Variants in LPP observed in about 807,000 individuals in gnomAD.
LPP encodes the protein LIM domain containing preferred translocation partner in lipoma, also known as lipoma-preferred partner.
LPP carries 38 observed loss-of-function variants against 60.4 expected under a neutral mutation model. The observed-to-expected ratio is 0.63, with a 90% CI of 0.49 to 0.83. LPP has a LOEUF of 0.83. Among genes scored for constraint, LPP ranks in the 40% least tolerant of loss-of-function variants. The probability of loss-of-function intolerance (pLI) is 0.00; values close to 1 mark genes in which losing one functional copy is unlikely to be tolerated. For synonymous variants in LPP, 328 were observed against 290.8 expected, an observed-to-expected ratio of 1.13 and a Z score of -1.30; for missense variants, 902 against 783.6, an observed-to-expected ratio of 1.15 and a Z score of -1.80.
intron 5 of LPP, among the ~76,000 whole-genome samples, chr3:188,506,838 C>T (rs1038215159): frequency 6.6e-6 from 1 of 152,056 alleles, no homozygotes; most frequent in Non-Finnish European, 1.5e-5. Context: ...TGCTCTGTTG[C>T]CCAGGCTGGA....
intron 1 of LPP, among the ~76,000 whole-genome samples, chr3:188,188,770 G>T (rs1053371970): frequency 4.6e-5 from 7 of 152,252 alleles, no homozygotes; most frequent in Admixed American, 2.6e-4. Flanking sequence ...CTGCATCATT[G>T]TTGGTCACCC....
At chr3:188,618,771 C>G (rs1182846015) in intron 7 of LPP, among the ~76,000 whole-genome samples, 2 of 152,268 alleles carry the variant, frequency 1.3e-5, no homozygotes, top group East Asian at 1.9e-4. Flanking sequence ...CCTTGTTATT[C>G]AGTCTTTATA....
intron 4 of LPP, among the ~76,000 whole-genome samples, chr3:188,459,859 T>A (rs1267065306): frequency 2.0e-5 from 3 of 152,094 alleles, no homozygotes; most frequent in Admixed American, 2.0e-4. Context: ...TTCTTTGTTC[T>A]GAGATCAGGA....
chr3:188,509,873 G>GTTTTTTTTTTTTTTTTTT (rs35389820), intron 5 of LPP, among the ~76,000 whole-genome samples: 1 of 111,042 alleles, frequency 9.0e-6, no homozygotes, highest in Non-Finnish European at 1.7e-5. Flanking sequence ...TTTTTTTGTT[G>GTTTTTTTTTTTTTTTTTT]TTTTTTTTTT....
chr3:188,221,896 T>C (rs1577364246), intron 1 of LPP, among the ~76,000 whole-genome samples: 1 of 152,176 alleles, frequency 6.6e-6, no homozygotes, highest in African/African-American at 2.4e-5. Context: ...CTGTCCATAT[T>C]ATAGTTGTAA....
chr3:188,404,174 A>G (rs190610550), intron 3 of LPP, among the ~76,000 whole-genome samples: 6 of 152,338 alleles, frequency 3.9e-5, no homozygotes, highest in African/African-American at 9.6e-5. Flanking sequence ...ACTCTATACT[A>G]TAAAAAGTAC....
chr3:188,668,016 C>T (rs1031560160), intron 7 of LPP, among the ~76,000 whole-genome samples: 5 of 152,056 alleles, frequency 3.3e-5, no homozygotes, highest in Non-Finnish European at 7.4e-5. Context: ...TATGTAAACT[C>T]ACATTATCAC....
At chr3:188,166,456 C>T (rs1319622814) in intron 1 of LPP, among the ~76,000 whole-genome samples, 2 of 152,180 alleles carry the variant, frequency 1.3e-5, no homozygotes, top group African/African-American at 2.4e-5. Context: ...AATGGACCAT[C>T]CACATAGCAT....
chr3:188,451,678 C>T (rs549446537), intron 4 of LPP, among the ~76,000 whole-genome samples: 1 of 152,000 alleles, frequency 6.6e-6, no homozygotes, highest in Admixed American at 6.6e-5. Context: ...TGGTATATAA[C>T]GGGGTAGATG....
intron 7 of LPP, among the ~76,000 whole-genome samples, chr3:188,707,919 C>G (rs1402236307): frequency 6.6e-6 from 1 of 152,202 alleles, no homozygotes; most frequent in Non-Finnish European, 1.5e-5. Context: ...GTATCTCTCA[C>G]TTCACTGTAA....
intron 3 of LPP, among the ~76,000 whole-genome samples, chr3:188,375,282 G>A (rs868044137): frequency 2.6e-5 from 4 of 152,174 alleles, no homozygotes; most frequent in African/African-American, 9.7e-5. Context: ...AGAAGGAATG[G>A]TACCAGCTCC....
chr3:188,693,827 A>C (rs1293564900), intron 7 of LPP, among the ~76,000 whole-genome samples: 1 of 152,210 alleles, frequency 6.6e-6, no homozygotes, highest in Non-Finnish European at 1.5e-5. Context: ...AGCATACTTT[A>C]CAGAGCATCA....
chr3:188,195,739 G>T (rs1729350164), intron 1 of LPP, among the ~76,000 whole-genome samples: 1 of 152,034 alleles, frequency 6.6e-6, no homozygotes, highest in Non-Finnish European at 1.5e-5. Flanking sequence ...ATAATATTTT[G>T]GATATATTGG....
At chr3:188,760,753 A>T (rs893516552) in intron 9 of LPP, among the ~76,000 whole-genome samples, 1 of 152,124 alleles carries the variant, frequency 6.6e-6, no homozygotes, top group African/African-American at 2.4e-5. Context: ...CTTTGAGTCC[A>T]TTTTTATCTA....
chr3:188,243,117 CA>C (rs1004772230), intron 2 of LPP, among the ~76,000 whole-genome samples: 6 of 151,624 alleles, frequency 4.0e-5, no homozygotes, highest in African/African-American at 9.7e-5. Flanking sequence ...ATTAATATAA[CA>C]AAAAAAAGAC....
At chr3:188,746,041 G>A (rs779730307) in intron 8 of LPP, among the ~76,000 whole-genome samples, 8 of 152,090 alleles carry the variant, frequency 5.3e-5, no homozygotes, top group Admixed American at 2.6e-4. Context: ...ACGCATCTAA[G>A]TTTTTTTCTT....
At chr3:188,765,297 A>AACACACACACACACACAC (rs60149759) in intron 9 of LPP, among the ~76,000 whole-genome samples, 2 of 143,962 alleles carry the variant, frequency 1.4e-5, no homozygotes, top group Admixed American at 7.0e-5. Flanking sequence ...TGTCTCACAC[A>AACACACACACACACACAC]ACACACACAC....
intron 3 of LPP, among the ~76,000 whole-genome samples, chr3:188,369,009 G>A (rs1313452510): frequency 1.3e-5 from 2 of 152,150 alleles, no homozygotes; most frequent in Non-Finnish European, 2.9e-5. Flanking sequence ...GCCATGAGAT[G>A]AACTAGCTCA....
rs542231342 is a variant in LPP at position 188,356,881 on chromosome 3, C to G, written c.-10+15162C>G. Among the ~76,000 whole-genome samples the G allele has an allele frequency of 9.9e-5, 15 of 152,284 alleles. No homozygotes were observed. In the South Asian group the frequency reaches 3.1e-3, roughly 32 times the overall value. On this transcript the variant is annotated intron_variant, in intron 3 of 11. Coordinates refer to ENST00000617246, the MANE Select transcript of LPP (RefSeq NM_001375462.1). Reference sequence around the variant, plus strand: ...GCAAAGGAAAGTCTAAAAGCTTTGGCTGGAATTTCAACTGCTTCTGGTCAA... The same window carrying G: ...GCAAAGGAAAGTCTAAAAGCTTTGGGTGGAATTTCAACTGCTTCTGGTCAA...
Sources: gnomAD v4.1 joint callset for allele counts (sites outside exome capture counted in the v4.1 genomes callset) on GRCh38, gnomAD v4.1.1 for gene constraint, MANE v1.5 for transcripts, NCBI Gene and HGNC (gene_info 2026-07-23, HGNC 2026-07-21) for gene names.